ZKSCAN4: variants seen among roughly 807,000 people sequenced by gnomAD.
ZKSCAN4 encodes zinc finger protein with KRAB and SCAN domains 4.
A neutral mutation model predicts 30.8 loss-of-function variants in ZKSCAN4; 23 were observed. That is an observed-to-expected ratio of 0.75 (90% CI 0.54 to 1.06). The LOEUF (loss-of-function observed/expected upper bound fraction) is 1.06. Ranked by LOEUF, ZKSCAN4 falls within the 50% of genes least tolerant of loss-of-function variation. The pLI, the probability that ZKSCAN4 is intolerant of heterozygous loss-of-function variation, is 0.00. For synonymous variants in ZKSCAN4, 208 were observed against 252.5 expected (o/e 0.82, Z 1.67); for missense variants, 556 against 665.4 (o/e 0.84, Z 1.81).
rs546341607 is a variant in ZKSCAN4, at chr6:28,242,883, G to A, written c.*2233C>T. ...AGAGAAGACTTTTAGGCTTGGAGGC[G>A]CAGGAGTGAAAGGAGGCACAGTGGT... On this transcript the variant is annotated 3_prime_UTR_variant, in exon 5 of 5. Coordinates refer to ENST00000377294, the MANE Select transcript of ZKSCAN4 (RefSeq NM_019110.5). Among the ~76,000 whole-genome samples the A allele has an allele frequency of 3.9e-5, 6 of 152,274 alleles. No individual in the cohort carries two copies. The East Asian group carries it at 5.8e-4, about 15-fold the overall frequency.
At position 28,244,136 on chromosome 6, in the gene ZKSCAN4, A is replaced by G. The variant is rs528987126; in HGVS notation, c.*980T>C. Among the ~76,000 whole-genome samples the G allele has an allele frequency of 4.6e-5, 7 of 152,346 alleles. No homozygotes were observed. The highest frequency in any genetic ancestry group is 2.0e-4 in the Admixed American group (3 of 15,304). On this transcript the variant is annotated 3_prime_UTR_variant, in exon 5 of 5. Coordinates refer to ENST00000377294, the MANE Select transcript of ZKSCAN4 (RefSeq NM_019110.5). ...TGGAGAAAGTTTAAGCTTAGCTGGCATAAGCCTTGATGCACAGTCAGCTAT... is the reference window on the plus strand; with the variant it reads ...TGGAGAAAGTTTAAGCTTAGCTGGCGTAAGCCTTGATGCACAGTCAGCTAT...
At chr6:28,253,323 T>C (rs752795625), upstream of ZKSCAN4, among the ~76,000 whole-genome samples, 1 of 152,174 alleles carries the variant, frequency 6.6e-6, no homozygotes, top group Non-Finnish European at 1.5e-5. This position sits in a 1 kb window ranked among gnomAD's most constrained non-coding sequence, Gnocchi z 4.2. Context: ...GGGGAAAAAA[T>C]ATCATGTCAG....
rs1441958371 is a variant in ZKSCAN4 at position 28,245,396 on chromosome 6, A to T, written c.1358T>A (p.Ile453Asn). 27 of 1,613,700 alleles carry T rather than the reference A, an allele frequency of 1.7e-5. No homozygotes were observed. The Admixed American group carries it at 4.5e-4, about 27-fold the overall frequency. Residue 453 changes from isoleucine (I) to asparagine (N), a missense_variant, in exon 5 of 5, where the codon ATT (isoleucine) becomes AAT (asparagine). Physicochemically the swap from Ile to Asn is moderately radical, Grantham distance 149. This residue lies in a region of ZKSCAN4 where 433 missense variants were observed against 511.5 expected (regional missense o/e 0.85). Coordinates refer to ENST00000377294, the MANE Select transcript of ZKSCAN4 (RefSeq NM_019110.5). ...ATTCTGAACATTTTTATCACCATGA[A>T]TCCTCTGATGTCTCAGGAGATGTGA... ...RNSHLLRHQR[I>N]HGDKNVQNPE...
rs146914404 is a variant in ZKSCAN4 at position 28,249,403 on chromosome 6, C to T, written c.571+284G>A. Among the ~76,000 whole-genome samples the T allele has an allele frequency of 1.3e-3, 194 of 152,270 alleles. 6 individuals carry two copies. The South Asian group carries it at 0.034, about 27-fold the overall frequency. On this transcript the variant is annotated intron_variant, in intron 2 of 4. Transcript: ENST00000377294. This position sits in a 1 kb window ranked among gnomAD's most constrained non-coding sequence, Gnocchi z 4.1. ...CCCCAGTGCCTACAACACTGGCTAC[C>T]ATAGATGAAGGCTCCCTAAATATAT...
In ZKSCAN4 at chr6:28,243,499, G is replaced by C. The variant is rs1262504573; in HGVS notation, c.*1617C>G. 2.0e-5 allele frequency among the ~76,000 whole-genome samples: 3 copies of C among 152,272 alleles called. No homozygotes were observed. Among genetic ancestry groups the C allele is most frequent in the East Asian group, 3.9e-4 (2 of 5,192 alleles). Reference sequence around the variant, plus strand: ...AAGAAATCAGTCTTTAAGCATCGCAGGTGATTTGGGTGAAAGCAGAAGATA... The same window carrying C: ...AAGAAATCAGTCTTTAAGCATCGCACGTGATTTGGGTGAAAGCAGAAGATA... On this transcript the variant is annotated 3_prime_UTR_variant, in exon 5 of 5. Transcript: ENST00000377294.
upstream of ZKSCAN4, among the ~76,000 whole-genome samples, chr6:28,256,694 C>T (rs1393338839): frequency 2.0e-5 from 3 of 152,248 alleles, no homozygotes; most frequent in African/African-American, 7.2e-5. Context: ...AAAATAAAAG[C>T]CCATCCTCCC....
rs1761015328 is a variant in ZKSCAN4 at position 28,251,857 on chromosome 6, G to A, written c.124C>T (p.Pro42Ser). ...TCGGGGCCCCGAGCAGGGCTGCAGGGTGCTCTCACCTCCGCCGTCAAGGCG... is the reference window on the plus strand; with the variant it reads ...TCGGGGCCCCGAGCAGGGCTGCAGGATGCTCTCACCTCCGCCGTCAAGGCG... ...ASALTAEVRA[P>S]CSPARGPERS... Residue 42 changes from proline (P) to serine (S), a missense_variant, in exon 1 of 5, where the codon CCC (proline) becomes TCC (serine). Pro to Ser is a moderately conservative substitution (Grantham distance 74, BLOSUM62 -1). This residue lies in a region of ZKSCAN4 where 115 missense variants were observed against 125.9 expected (regional missense o/e 0.91). Transcript: ENST00000377294. This position sits in a 1 kb window ranked among gnomAD's most constrained non-coding sequence, Gnocchi z 4.5. The A allele has an allele frequency of 1.3e-6, 2 of 1,589,930 alleles. No homozygotes were observed. The highest frequency in any genetic ancestry group is 1.1e-5 in the South Asian group (1 of 88,368).
rs1760559533 is a variant in ZKSCAN4, at chr6:28,243,125, CAT to C, written c.*1989_*1990del. 6.6e-6 allele frequency among the ~76,000 whole-genome samples: 1 copy of C among 152,026 alleles called. No homozygotes were observed. The highest frequency in any genetic ancestry group is 1.5e-5 in the Non-Finnish European group (1 of 67,980). Reference sequence around the variant, plus strand: ...GAAATGGCTAGCTTTGTGGAAATAACATAAATAAAGCTGATTTTAAAGAAATT... The same window carrying C: ...GAAATGGCTAGCTTTGTGGAAATAACAAATAAAGCTGATTTTAAAGAAATT... On this transcript the variant is annotated 3_prime_UTR_variant, in exon 5 of 5. Transcript: ENST00000377294.
Position 28,249,814 on chromosome 6 carries a change from C to T in ZKSCAN4, c.444G>A (p.Gly148=). 1.2e-6 allele frequency: 2 copies of T among 1,613,878 alleles called. No individual in the cohort carries two copies. Among genetic ancestry groups the T allele is most frequent in the South Asian group, 1.1e-5 (1 of 91,012 alleles). The part of the protein sequence containing the change: ...PAPQVPVGDQ[G]QELLCCKMAL... Reference sequence around the variant, plus strand: ...CCATCTTGCAACAGAGCAGTTCTTGCCCCTGGTCACCAACGGGAACCTAGA... The same window carrying T: ...CCATCTTGCAACAGAGCAGTTCTTGTCCCTGGTCACCAACGGGAACCTAGA... The change falls in exon 2 of 5, where the codon GGG becomes GGA. Residue 148 remains glycine (G), a synonymous_variant. Transcript: ENST00000377294. This position sits in a 1 kb window ranked among gnomAD's most constrained non-coding sequence, Gnocchi z 4.1.
At position 28,249,770 on chromosome 6, in the gene ZKSCAN4, TG is replaced by T; in HGVS notation, c.487del (p.Gln163LysfsTer11). 1 of 1,614,144 alleles carries T rather than the reference TG, an allele frequency of 6.2e-7. No homozygotes were observed. Among genetic ancestry groups the T allele is most frequent in the Admixed American group, 1.7e-5 (1 of 60,032 alleles). On this transcript the variant is annotated frameshift_variant, in exon 2 of 5. Coordinates refer to ENST00000377294, the MANE Select transcript of ZKSCAN4 (RefSeq NM_019110.5). LOFTEE classifies it high-confidence loss of function. The surrounding 1 kb of genome is among the most constrained non-coding windows in gnomAD (Gnocchi z 4.1). The stretch of plus-strand genomic sequence containing the variant: ...CTGGCACTGGCTACTTTGAGACCCT[TG>T]AGTTTGTGTCAATAGTGCCATCTTG... ...CCKMALLTQTQGSQSSQCQPM... is the reference protein window; with the variant it reads ...CCKMALLTQTXGSQSSQCQPM...
chr6:28,252,042 C>A lies in ZKSCAN4; in HGVS notation c.-62G>T. 6.7e-7 allele frequency: 1 copy of A among 1,493,170 alleles called. No homozygotes were observed. 92.5% of individuals were successfully genotyped at this position (1,493,170 alleles called of 1,614,324 possible). A position where few individuals can be genotyped will look rare whatever the true frequency, so the allele number is the denominator to read the frequency against. On this transcript the variant is annotated 5_prime_UTR_variant, in exon 1 of 5. Coordinates refer to ENST00000377294, the MANE Select transcript of ZKSCAN4 (RefSeq NM_019110.5). The stretch of plus-strand genomic sequence containing the variant: ...GCGACCTGTATATCTTCAGAGGATT[C>A]TGGAAGGGTGGTAAATTTTCCAGTA...
At chr6:28,248,034 G>C in intron 3 of ZKSCAN4, 33 bp downstream of exon 3, 2 of 1,551,386 alleles carry the variant, frequency 1.3e-6, no homozygotes, top group Non-Finnish European at 1.8e-6. Flanking sequence ...GAAAGGTATG[G>C]GGCGCTGGGG....
At chr6:28,254,518 C>T (rs1384892763), upstream of ZKSCAN4, among the ~76,000 whole-genome samples, 1 of 152,108 alleles carries the variant, frequency 6.6e-6, no homozygotes, top group African/African-American at 2.4e-5. Flanking sequence ...TGTTGGAGCC[C>T]CACTTCTGGA....
In ZKSCAN4 at chr6:28,252,001, G is replaced by A; in HGVS notation, c.-21C>T. On this transcript the variant is annotated 5_prime_UTR_variant, in exon 1 of 5. Transcript: ENST00000377294. ...GCCATTCTGACCCAAGGCAGTACTC[G>A]GGTCTCACTCTAGTTGCGACCTGTA... 2 of 1,514,238 alleles carry A rather than the reference G, an allele frequency of 1.3e-6. No individual in the cohort carries two copies. Among genetic ancestry groups the A allele is most frequent in the Non-Finnish European group, 1.8e-6 (2 of 1,134,344 alleles). The allele number at this position is 1,514,238 out of a possible 1,614,324, so 93.8% of individuals were successfully genotyped here.
Position 28,252,145 on chromosome 6 carries a change from T to TA in ZKSCAN4, c.-166dup. 1.6e-6 allele frequency: 1 copy of TA among 611,406 alleles called. No homozygotes were observed. The highest frequency in any genetic ancestry group is 2.6e-6 in the Non-Finnish European group (1 of 379,034). 37.9% of individuals were successfully genotyped at this position (611,406 alleles called of 1,614,324 possible). A position where few individuals can be genotyped will look rare whatever the true frequency, so the allele number is the denominator to read the frequency against. On this transcript the variant is annotated 5_prime_UTR_variant, in exon 1 of 5. Transcript: ENST00000377294. ...GAGGCGCAGCTGCACAGATCTCTCT[T>TA]ATAGTCCGTGCCTTTGCAGGGTCGT...
In ZKSCAN4 at chr6:28,251,932, C is replaced by T. The variant is rs757511750; in HGVS notation, c.49G>A (p.Glu17Lys). Residue 17 changes from glutamate to lysine, a missense_variant, in exon 1 of 5, where the codon GAA becomes AAA. Physicochemically the swap from Glu to Lys is moderately conservative, Grantham distance 56. Coordinates refer to ENST00000377294, the MANE Select transcript of ZKSCAN4 (RefSeq NM_019110.5). The surrounding 1 kb of genome is among the most constrained non-coding windows in gnomAD (Gnocchi z 4.5). The part of the protein sequence containing the change: ...KNAALDAQSA[E>K]DQTGLLTVKV... ...ACGGTCAGGAGCCCCGTCTGGTCTT[C>T]TGCAGACTGGGCGTCCAGGGCTGCG... is the stretch of plus-strand genomic sequence containing the variant. The T allele has an allele frequency of 6.6e-7, 1 of 1,526,336 alleles. No homozygotes were observed. Among genetic ancestry groups the T allele is most frequent in the Non-Finnish European group, 8.8e-7 (1 of 1,142,426 alleles). The allele number at this position is 1,526,336 out of a possible 1,614,324, so 94.5% of individuals were successfully genotyped here.
rs376726530 is a variant in ZKSCAN4 at position 28,249,859 on chromosome 6, C to T, written c.424-25G>A. The T allele has an allele frequency of 1.4e-5, 22 of 1,611,976 alleles. No homozygotes were observed. In the East Asian group the frequency reaches 2.9e-4, roughly 21 times the overall value. ...CCTAGAAGTCACGATTTTTAGTTATCTACCCAACATTTCTATGTTTTCCAT... is the reference window on the plus strand; with the variant it reads ...CCTAGAAGTCACGATTTTTAGTTATTTACCCAACATTTCTATGTTTTCCAT... On this transcript the variant is annotated intron_variant, in intron 1 of 4. Transcript: ENST00000377294. The surrounding 1 kb of genome is among the most constrained non-coding windows in gnomAD (Gnocchi z 4.1).
chr6:28,249,760 T>C lies in ZKSCAN4; in HGVS notation c.498A>G (p.Gln166=), dbSNP rs1760906404. 1.2e-6 allele frequency: 2 copies of C among 1,614,124 alleles called. No individual in the cohort carries two copies. The highest frequency in any genetic ancestry group is 1.7e-6 in the Non-Finnish European group (2 of 1,180,014). Residue 166 remains glutamine (Q), a synonymous_variant, in exon 2 of 5, where the codon CAA becomes CAG. Coordinates refer to ENST00000377294, the MANE Select transcript of ZKSCAN4 (RefSeq NM_019110.5). The surrounding 1 kb of genome is among the most constrained non-coding windows in gnomAD (Gnocchi z 4.1). ...MALLTQTQGS[Q]SSQCQPMKAL... Reference sequence around the variant, plus strand: ...CCTTCATTGGCTGGCACTGGCTACTTTGAGACCCTTGAGTTTGTGTCAATA... The same window carrying C: ...CCTTCATTGGCTGGCACTGGCTACTCTGAGACCCTTGAGTTTGTGTCAATA...
At chr6:28,247,121 C>T in intron 3 of ZKSCAN4, 29 bp from the exon 4 acceptor site, 1 of 1,546,908 alleles carries the variant, frequency 6.5e-7, no homozygotes, top group Non-Finnish European at 8.7e-7. Context: ...CTAACTAGCT[C>T]CTCTTGCCCA....
Sources: gnomAD v4.1 joint callset for allele counts (sites outside exome capture counted in the v4.1 genomes callset) on GRCh38, gnomAD v4.1.1 for gene constraint, gnomAD v4.1.1 regional missense constraint, Gnocchi (gnomAD v3.1) non-coding constraint, MANE v1.5 for transcripts, NCBI Gene and HGNC (gene_info 2026-07-23, HGNC 2026-07-21) for gene names.